Variants in IRAK1BP1 observed in about 807,000 individuals in gnomAD.
The protein encoded by IRAK1BP1 is interleukin-1 receptor-associated kinase 1-binding protein 1.
IRAK1BP1 carries 24 observed loss-of-function variants against 28.0 expected under a neutral mutation model. The observed-to-expected ratio is 0.86, with a 90% CI of 0.62 to 1.20. The LOEUF is 1.20. Among genes scored for constraint, IRAK1BP1 ranks in the 50% most tolerant of loss-of-function variants. The pLI, the probability that IRAK1BP1 is intolerant of heterozygous loss-of-function variation, is 0.00. For missense variants in IRAK1BP1, 336 were observed against 316.7 expected (o/e 1.06, Z -0.46); for synonymous variants, 131 against 116.3 (o/e 1.13, Z -0.81).
rs376053692 is a variant in IRAK1BP1, at chr6:78,944,115, GA to G, written c.*68-1286del. On this transcript the variant is annotated intron_variant and NMD_transcript_variant, in intron 4 of 4. Coordinates refer to the IRAK1BP1 transcript ENST00000606868. Reference sequence around the variant, plus strand: ...GGCAACAGACAATTAAACTAGGAGGGAAAAAAAGACATTCCCCCAAAAGGAG... The same window carrying G: ...GGCAACAGACAATTAAACTAGGAGGGAAAAAAGACATTCCCCCAAAAGGAG... Among the ~76,000 whole-genome samples, 958 of 151,652 alleles carry G rather than the reference GA, an allele frequency of 6.3e-3. 19 individuals carry two copies. The highest frequency in any genetic ancestry group is 0.022 in the African/African-American group (903 of 41,356).
the IRAK1BP1 span, chr6:78,954,904 C>T: frequency 1.3e-6 from 2 of 1,588,286 alleles, no homozygotes; most frequent in Non-Finnish European, 1.7e-6. Flanking sequence ...ACTGTTTCTT[C>T]CATGCTTGAA....
intron 1 of IRAK1BP1, among the ~76,000 whole-genome samples, chr6:78,884,637 A>G (rs1771350159): frequency 6.6e-6 from 1 of 152,134 alleles, no homozygotes; most frequent in Non-Finnish European, 1.5e-5. Flanking sequence ...AATCTGCACA[A>G]TGATGCTATA....
the IRAK1BP1 span, chr6:78,955,153 A>G: frequency 9.7e-7 from 1 of 1,029,158 alleles, no homozygotes. Context: ...TTAAAATGCT[A>G]AGAGTAAAAA....
At chr6:78,919,250 T>A (rs2127664903) in intron 4 of IRAK1BP1, among the ~76,000 whole-genome samples, 1 of 151,818 alleles carries the variant, frequency 6.6e-6, no homozygotes, top group East Asian at 1.9e-4. Flanking sequence ...GTTAGAAAGA[T>A]CTCAAATAAA....
chr6:78,878,897 A>G (rs918991433), intron 1 of IRAK1BP1, among the ~76,000 whole-genome samples: 1 of 152,212 alleles, frequency 6.6e-6, no homozygotes, highest in Non-Finnish European at 1.5e-5. Flanking sequence ...AAGAAAGGGT[A>G]TCAGTGGTGG....
In IRAK1BP1 at chr6:78,900,324, T is replaced by G. The variant is rs989881190; in HGVS notation, c.*1990T>G. ...GTTATGCAGCATAGGCTTTCCATTC[T>G]CTATACATCTAGGTCATAGAGTTTT... On this transcript the variant is annotated 3_prime_UTR_variant, in exon 4 of 4. Transcript: ENST00000369940. 2 of 152,248 alleles carry G rather than the reference T, an allele frequency of 1.3e-5. No individual in the cohort carries two copies. The highest frequency in any genetic ancestry group is 2.9e-5 in the Non-Finnish European group (2 of 68,044). The allele number at this position is 152,248 out of a possible 1,614,324, so 9.4% of individuals were successfully genotyped here. A position where few individuals can be genotyped will look rare whatever the true frequency, so the allele number is the denominator to read the frequency against.
At chr6:78,934,437 CTTTT>C (rs1221663547) in intron 4 of IRAK1BP1, among the ~76,000 whole-genome samples, 1 of 152,198 alleles carries the variant, frequency 6.6e-6, no homozygotes, top group Non-Finnish European at 1.5e-5. Flanking sequence ...GCCTGTACTT[CTTTT>C]TATTAGTAAA....
Position 78,902,906 on chromosome 6 carries a change from G to T in IRAK1BP1, c.*4572G>T. The T allele has an allele frequency of 1.4e-6, 1 of 703,732 alleles. No individual in the cohort carries two copies. Among genetic ancestry groups the T allele is most frequent in the Non-Finnish European group, 2.4e-6 (1 of 420,240 alleles). The allele number at this position is 703,732 out of a possible 1,614,324, so 43.6% of individuals were successfully genotyped here. A position where few individuals can be genotyped will look rare whatever the true frequency, so the allele number is the denominator to read the frequency against. On this transcript the variant is annotated 3_prime_UTR_variant, in exon 4 of 4. Transcript: ENST00000369940. ...CTCTTCAAGAGAGGTAATATTAATAGAAATCTTTCAAGAAGGATTGTTTTC... is the reference window on the plus strand; with the variant it reads ...CTCTTCAAGAGAGGTAATATTAATATAAATCTTTCAAGAAGGATTGTTTTC...
chr6:78,935,073 A>G (rs756602035), intron 4 of IRAK1BP1, among the ~76,000 whole-genome samples: 1 of 152,184 alleles, frequency 6.6e-6, no homozygotes, highest in Non-Finnish European at 1.5e-5. Context: ...CCTGGGTCAT[A>G]AAATTGGTAT....
rs1771998847 is a variant in IRAK1BP1 at position 78,898,828 on chromosome 6, A to G, written c.*494A>G. On this transcript the variant is annotated 3_prime_UTR_variant, in exon 4 of 4. Coordinates refer to ENST00000369940, the MANE Select transcript of IRAK1BP1 (RefSeq NM_001010844.4). ...CCATCAAACCTAATAATTTTCCACA[A>G]CTAAAAATGAGTATAAATACATAAT... 1 of 152,158 alleles carries G rather than the reference A, an allele frequency of 6.6e-6. No individual in the cohort carries two copies. The highest frequency in any genetic ancestry group is 1.5e-5 in the Non-Finnish European group (1 of 68,026). The allele number at this position is 152,158 out of a possible 1,614,324, so 9.4% of individuals were successfully genotyped here. A position where few individuals can be genotyped will look rare whatever the true frequency, so the allele number is the denominator to read the frequency against.
At chr6:78,974,948 G>A in the IRAK1BP1 span, among the ~76,000 whole-genome samples, 5 of 151,486 alleles carry the variant, frequency 3.3e-5, no homozygotes, top group African/African-American at 1.2e-4. Flanking sequence ...AGAGGTACAA[G>A]GAGGAACTGG....
the IRAK1BP1 span, chr6:78,966,026 G>A: frequency 6.2e-7 from 1 of 1,613,450 alleles, no homozygotes; most frequent in Non-Finnish European, 8.5e-7. Context: ...AAACCACCAG[G>A]CATCATCTAT....
chr6:78,893,312 GTGTATATATATATATATATATATA>G (rs1771741424), intron 2 of IRAK1BP1, among the ~76,000 whole-genome samples: 1 of 64,190 alleles, frequency 1.6e-5, no homozygotes, highest in East Asian at 7.4e-4. Context: ...GTGTGTGTGT[GTGTATATATATATATATATATATA>G]TATATATATA....
intron 4 of IRAK1BP1, among the ~76,000 whole-genome samples, chr6:78,944,024 G>C (rs1371802113): frequency 7.2e-6 from 1 of 138,948 alleles, no homozygotes; most frequent in Non-Finnish European, 1.5e-5. Context: ...GGAAGTGCTT[G>C]ATTCTATCTA....
At chr6:78,968,882 A>AT in the IRAK1BP1 span, among the ~76,000 whole-genome samples, 1 of 152,200 alleles carries the variant, frequency 6.6e-6, no homozygotes, top group East Asian at 1.9e-4. Flanking sequence ...ATGTGTTCCA[A>AT]TTTTTTCCCC....
downstream of IRAK1BP1, among the ~76,000 whole-genome samples, chr6:78,904,886 T>G (rs1200495062): frequency 6.6e-6 from 1 of 152,180 alleles, no homozygotes; most frequent in East Asian, 1.9e-4. Context: ...ACGTACAAAG[T>G]AAGCATAGAT....
At chr6:78,937,090 T>G (rs1322101093) in intron 4 of IRAK1BP1, 3 of 151,756 alleles carry the variant, frequency 2.0e-5, no homozygotes, top group Non-Finnish European at 4.4e-5. Context: ...ATCATGTAAC[T>G]CCTGCATATA....
At position 78,899,683 on chromosome 6, in the gene IRAK1BP1, T is replaced by A. The variant is rs546739292; in HGVS notation, c.*1349T>A. 6.6e-6 allele frequency: 1 copy of A among 152,182 alleles called. No individual in the cohort carries two copies. Among genetic ancestry groups the A allele is most frequent in the Non-Finnish European group, 1.5e-5 (1 of 68,046 alleles). The allele number at this position is 152,182 out of a possible 1,614,324, so 9.4% of individuals were successfully genotyped here. ...ACCTCTGCCTCCTGAATTTAAGCGATTCTCCTGCCTCAGCCTCCCAAGTAG... is the reference window on the plus strand; with the variant it reads ...ACCTCTGCCTCCTGAATTTAAGCGAATCTCCTGCCTCAGCCTCCCAAGTAG... On this transcript the variant is annotated 3_prime_UTR_variant, in exon 4 of 4. Coordinates refer to ENST00000369940, the MANE Select transcript of IRAK1BP1 (RefSeq NM_001010844.4).
chr6:78,968,486 A>G, the IRAK1BP1 span, among the ~76,000 whole-genome samples: 11 of 152,320 alleles, frequency 7.2e-5, no homozygotes, highest in African/African-American at 2.6e-4. Context: ...AACTTTTCAC[A>G]TCGGGGGGTT....
Sources: gnomAD v4.1 joint callset for allele counts (sites outside exome capture counted in the v4.1 genomes callset) on GRCh38, gnomAD v4.1.1 for gene constraint, MANE v1.5 for transcripts, NCBI Gene and HGNC (gene_info 2026-07-23, HGNC 2026-07-21) for gene names.